The following ZSWIM5 variants were observed in gnomAD, a reference collection of about 807,000 sequenced individuals.
The protein encoded by ZSWIM5 is zinc finger SWIM-type containing 5.
A neutral mutation model predicts 119.6 loss-of-function variants in ZSWIM5; 55 were observed. The ratio of observed to expected loss-of-function variants is 0.46; its 90% confidence interval spans 0.37 to 0.58. ZSWIM5 has a LOEUF of 0.58. Among genes scored for constraint, ZSWIM5 ranks in the 20% least tolerant of loss-of-function variants. The pLI is 0.00. For synonymous variants in ZSWIM5, 537 were observed against 606.9 expected (o/e 0.88, Z 1.69); for missense variants, 1,193 against 1,512.8 (o/e 0.79, Z 3.51).
intron 1 of ZSWIM5, among the ~76,000 whole-genome samples, chr1:45,185,797 T>C (rs1384093554): frequency 3.9e-5 from 6 of 152,190 alleles, no homozygotes; most frequent in African/African-American, 1.4e-4. Flanking sequence ...TTTTACACTG[T>C]TGGTGGGACT....
intron 2 of ZSWIM5, among the ~76,000 whole-genome samples, chr1:45,075,917 C>CTTTT: frequency 6.9e-6 from 1 of 144,018 alleles, no homozygotes; most frequent in African/African-American, 2.6e-5. Context: ...ATGAGGCTTG[C>CTTTT]AAATACTATC....
intron 1 of ZSWIM5, among the ~76,000 whole-genome samples, chr1:45,166,228 C>A (rs1645901971): frequency 6.6e-6 from 1 of 152,092 alleles, no homozygotes; most frequent in Admixed American, 6.6e-5. Flanking sequence ...ACATGATTAT[C>A]TCAATAGATG....
intron 1 of ZSWIM5, among the ~76,000 whole-genome samples, chr1:45,104,141 C>T (rs1007838775): frequency 1.3e-5 from 2 of 152,124 alleles, no homozygotes; most frequent in South Asian, 2.1e-4. Context: ...TCCTGTCTCC[C>T]GGAAGGCCAC....
intron 11 of ZSWIM5, among the ~76,000 whole-genome samples, chr1:45,030,798 C>CTTTTTTT (rs56045429): frequency 7.5e-6 from 1 of 133,106 alleles, no homozygotes. Flanking sequence ...TTCATTCTTT[C>CTTTTTTT]TTTTTTTTTT....
chr1:45,206,032 G>A lies in ZSWIM5; in HGVS notation c.319C>T (p.Arg107Trp). Residue 107 changes from arginine to tryptophan, a missense_variant, in exon 1 of 14, where the codon CGG becomes TGG. By Grantham distance (101) the Arg-to-Trp change is moderately radical. Around this residue, in one of 2 missense-constraint regions of ZSWIM5, gnomAD observed 232 missense variants for 222.9 expected, o/e 1.04. Transcript: ENST00000359600. ...AAGCTGGAGTACATGCAGATCTCCC[G>A]CTCATTCCGCGGGAAGGACCAGTAG... ...IVYWSFPRNE[R>W]EICMYSSFQY... 6.2e-7 allele frequency: 1 copy of A among 1,605,834 alleles called. No individual in the cohort carries two copies. Among genetic ancestry groups the A allele is most frequent in the East Asian group, 2.3e-5 (1 of 43,776 alleles).
chr1:45,020,074 G>C lies in ZSWIM5; in HGVS notation c.2687C>G (p.Thr896Arg). 1 of 1,613,676 alleles carries C rather than the reference G, an allele frequency of 6.2e-7. No homozygotes were observed. The highest frequency in any genetic ancestry group is 2.2e-5 in the East Asian group (1 of 44,762). ...GGAGGTGGGAGACTCACCCACTTCT[G>C]TAGCACAGGTCACCAACCATCGTAC... ...EMVRWLVTCA[T>R]EVGVRALVSI... Residue 896 changes from threonine (T) to arginine (R), a missense_variant, in exon 13 of 14, where the codon ACA (threonine) becomes AGA (arginine). Thr to Arg is a moderately conservative substitution (Grantham distance 71, BLOSUM62 -1). Coordinates refer to ENST00000359600, the MANE Select transcript of ZSWIM5 (RefSeq NM_020883.2).
chr1:45,177,849 T>C (rs1168156307), intron 1 of ZSWIM5, among the ~76,000 whole-genome samples: 1 of 152,066 alleles, frequency 6.6e-6, no homozygotes, highest in East Asian at 1.9e-4. Context: ...CACTGAGTTT[T>C]GTGACTTGAT....
In ZSWIM5 at chr1:45,018,884, A is replaced by G; in HGVS notation, c.3128T>C (p.Leu1043Pro). The G allele has an allele frequency of 6.2e-7, 1 of 1,614,230 alleles. No homozygotes were observed. The change falls in exon 14 of 14, where the codon CTC (leucine) becomes CCC (proline). Residue 1043 changes from leucine to proline, a missense_variant. By Grantham distance (98) the Leu-to-Pro change is moderately conservative. Coordinates refer to ENST00000359600, the MANE Select transcript of ZSWIM5 (RefSeq NM_020883.2). The surrounding 1 kb of genome is among the most constrained non-coding windows in gnomAD (Gnocchi z 6.7). ...AGAGTGGCTGAGAGCACAAGCCCAG[A>G]GCACATCATTGATGGCTGGGTGAGT... ...QDTHPAINDV[L>P]WACALSHSLG...
chr1:45,194,603 C>T (rs373610526), intron 1 of ZSWIM5, among the ~76,000 whole-genome samples: 13 of 152,234 alleles, frequency 8.5e-5, no homozygotes, highest in African/African-American at 3.1e-4. Flanking sequence ...TCTGGCCAGG[C>T]GCGGTGGCTC....
At chr1:45,122,127 A>T (rs1033502840) in intron 1 of ZSWIM5, among the ~76,000 whole-genome samples, 2 of 152,218 alleles carry the variant, frequency 1.3e-5, no homozygotes, top group Non-Finnish European at 2.9e-5. Flanking sequence ...ATATCAGTAT[A>T]TTGAGGCTAA....
At chr1:45,026,310 C>T (rs1485373694) in intron 11 of ZSWIM5, among the ~76,000 whole-genome samples, 1 of 152,160 alleles carries the variant, frequency 6.6e-6, no homozygotes, top group Non-Finnish European at 1.5e-5. Context: ...GCTAGGATTA[C>T]AGGTGTAAGC....
At chr1:45,177,330 C>T (rs1645987517) in intron 1 of ZSWIM5, among the ~76,000 whole-genome samples, 1 of 152,086 alleles carries the variant, frequency 6.6e-6, no homozygotes, top group African/African-American at 2.4e-5. Context: ...TCTAACAAGG[C>T]TATGAACTAT....
chr1:45,172,410 A>G (rs1645951018), intron 1 of ZSWIM5, among the ~76,000 whole-genome samples: 1 of 152,186 alleles, frequency 6.6e-6, no homozygotes, highest in South Asian at 2.1e-4. Flanking sequence ...GTGCAGATAT[A>G]TTCTTAGTGA....
In ZSWIM5 at chr1:45,097,513, A is replaced by T. The variant is rs1645410603; in HGVS notation, c.596-9276T>A. Among the ~76,000 whole-genome samples, 3 of 152,216 alleles carry T rather than the reference A, an allele frequency of 2.0e-5. No homozygotes were observed. In the South Asian group the frequency reaches 6.2e-4, roughly 32 times the overall value. On this transcript the variant is annotated intron_variant, in intron 1 of 13. Coordinates refer to ENST00000359600, the MANE Select transcript of ZSWIM5 (RefSeq NM_020883.2). ...AAAATGAAGTAGTAAAGGACCTGAGACATAATCATTTCACAGATGAGGAAC... is the reference window on the plus strand; with the variant it reads ...AAAATGAAGTAGTAAAGGACCTGAGTCATAATCATTTCACAGATGAGGAAC...
chr1:45,098,960 T>C (rs949580410), intron 1 of ZSWIM5, among the ~76,000 whole-genome samples: 3 of 152,122 alleles, frequency 2.0e-5, no homozygotes, highest in African/African-American at 7.2e-5. Flanking sequence ...AGATCTAAAA[T>C]AGACACCTTA....
intron 1 of ZSWIM5, among the ~76,000 whole-genome samples, chr1:45,193,260 A>AT (rs1273226064): frequency 2.6e-5 from 4 of 152,240 alleles, no homozygotes; most frequent in African/African-American, 9.6e-5. Flanking sequence ...GAATTCCAGC[A>AT]TAAGATTTCC....
intron 5 of ZSWIM5, among the ~76,000 whole-genome samples, chr1:45,049,945 C>T (rs1441820749): frequency 1.3e-5 from 2 of 152,192 alleles, no homozygotes; most frequent in Non-Finnish European, 2.9e-5. Context: ...TCTTTCATTA[C>T]CTTAGTTGTC....
chr1:45,128,310 C>T (rs927083954), intron 1 of ZSWIM5, among the ~76,000 whole-genome samples: 1 of 152,116 alleles, frequency 6.6e-6, no homozygotes, highest in Non-Finnish European at 1.5e-5. Flanking sequence ...CCTCCCACCT[C>T]CAGCCTCCCA....
At position 45,060,212 on chromosome 1, in the gene ZSWIM5, C is replaced by T. The variant is rs1645145023; in HGVS notation, c.988G>A (p.Asp330Asn). Residue 330 changes from aspartate to asparagine, a missense_variant, in exon 3 of 14, where the codon GAT becomes AAT. Physicochemically the swap from Asp to Asn is conservative, Grantham distance 23. Transcript: ENST00000359600. ...PDPTAGASID[D>N]ENCWHLDEEQ... ...TCATCCAAATGCCAACAGTTCTCATCGTCAATGCTGGCCCCAGCTGTGGGG... is the reference window on the plus strand; with the variant it reads ...TCATCCAAATGCCAACAGTTCTCATTGTCAATGCTGGCCCCAGCTGTGGGG... 11 of 1,613,968 alleles carry T rather than the reference C, an allele frequency of 6.8e-6. No individual in the cohort carries two copies. Among genetic ancestry groups the T allele is most frequent in the South Asian group, 1.1e-5 (1 of 91,070 alleles).
Sources: gnomAD v4.1 joint callset for allele counts (sites outside exome capture counted in the v4.1 genomes callset) on GRCh38, gnomAD v4.1.1 for gene constraint, gnomAD v4.1.1 regional missense constraint, Gnocchi (gnomAD v3.1) non-coding constraint, MANE v1.5 for transcripts, NCBI Gene and HGNC (gene_info 2026-07-23, HGNC 2026-07-21) for gene names.